CHD9: variants seen among roughly 807,000 people sequenced by gnomAD.
The protein encoded by CHD9 is ATP-dependent chromatin remodeler CHD9.
CHD9 carries 77 observed loss-of-function variants against 316.1 expected under a neutral mutation model. That is an observed-to-expected ratio of 0.24 (90% CI 0.20 to 0.29). The LOEUF (loss-of-function observed/expected upper bound fraction) is 0.29, where lower values mean the gene tolerates loss of function less well. Among genes scored for constraint, CHD9 ranks in the 10% least tolerant of loss-of-function variants. CHD9 has a pLI of 1.00. For synonymous variants in CHD9, 1,129 were observed against 1,158.3 expected (o/e 0.97, Z 0.51); for missense variants, 2,763 against 3,438.1 (o/e 0.80, Z 4.91).
intron 27 of CHD9, among the ~76,000 whole-genome samples, chr16:53,290,128 G>A (rs964675278): frequency 5.3e-5 from 8 of 152,096 alleles, no homozygotes; most frequent in Non-Finnish European, 8.8e-5. Flanking sequence ...ACAAAAATTA[G>A]CCAGGCATGG....
intron 1 of CHD9, among the ~76,000 whole-genome samples, chr16:53,075,908 C>A (rs1192659861): frequency 1.3e-5 from 2 of 152,190 alleles, no homozygotes; most frequent in Non-Finnish European, 2.9e-5. Context: ...CATTTCTCCA[C>A]GTCCTCACCA....
At position 53,307,790 on chromosome 16, in the gene CHD9, C is replaced by T; in HGVS notation, c.6890C>T (p.Thr2297Ile). 6.2e-7 allele frequency: 1 copy of T among 1,613,318 alleles called. No individual in the cohort carries two copies. Among genetic ancestry groups the T allele is most frequent in the Non-Finnish European group, 8.5e-7 (1 of 1,179,638 alleles). Reference sequence around the variant, plus strand: ...GCTAACACAGTGGCTTCTTTCTATACCACAAAACTGCTGGACAGCCCTGGA... The same window carrying T: ...GCTAACACAGTGGCTTCTTTCTATATCACAAAACTGCTGGACAGCCCTGGA... Reference protein sequence around the residue: ...YDANTVASFYTTKLLDSPGAA... With the variant: ...YDANTVASFYITKLLDSPGAA... The change falls in exon 33 of 39, where the codon ACC becomes ATC. Residue 2297 changes from threonine (T) to isoleucine (I), a missense_variant. By Grantham distance (89) the Thr-to-Ile change is moderately conservative. Coordinates refer to ENST00000447540, the MANE Select transcript of CHD9 (RefSeq NM_001308319.2).
At chr16:53,076,617 T>C (rs949547262) in intron 1 of CHD9, among the ~76,000 whole-genome samples, 1 of 151,070 alleles carries the variant, frequency 6.6e-6, no homozygotes, top group African/African-American at 2.4e-5. Flanking sequence ...TATATATATA[T>C]GTATAAATTT....
intron 20 of CHD9, among the ~76,000 whole-genome samples, chr16:53,266,179 T>C (rs1333804916): frequency 6.6e-6 from 1 of 151,816 alleles, no homozygotes; most frequent in Non-Finnish European, 1.5e-5. Context: ...ACACAACATA[T>C]TTATGTGTCT....
At position 53,304,534 on chromosome 16, in the gene CHD9, TTCA is replaced by T. The variant is rs1483715538; in HGVS notation, c.6531_6533del (p.Ser2181del). ...CTTCATCTTGTTCTTCAGCATCTTC[TTCA>T]TCCTCTTCCTCCACCTCTTCCTCCT... On this transcript the variant is annotated inframe_deletion, in exon 31 of 39. Coordinates refer to ENST00000447540, the MANE Select transcript of CHD9 (RefSeq NM_001308319.2). 52 of 1,546,602 alleles carry T rather than the reference TTCA, an allele frequency of 3.4e-5. No individual in the cohort carries two copies. Among genetic ancestry groups the T allele is most frequent in the Non-Finnish European group, 4.3e-5 (49 of 1,142,316 alleles).
chr16:53,295,529 A>T (rs2054703631), intron 29 of CHD9, among the ~76,000 whole-genome samples: 1 of 152,240 alleles, frequency 6.6e-6, no homozygotes, highest in South Asian at 2.1e-4. Flanking sequence ...CAATAATATA[A>T]GATATTGTAA....
intron 2 of CHD9, among the ~76,000 whole-genome samples, chr16:53,187,551 G>C (rs548572873): frequency 6.6e-6 from 1 of 152,082 alleles, no homozygotes; most frequent in South Asian, 2.1e-4. Context: ...GTTTTGGCCA[G>C]AGTCTTGGGG....
At chr16:53,262,108 T>C (rs548174898) in intron 19 of CHD9, among the ~76,000 whole-genome samples, 1 of 152,290 alleles carries the variant, frequency 6.6e-6, no homozygotes, top group East Asian at 1.9e-4. Flanking sequence ...TTACCACTAG[T>C]CTCCTTTGAA....
chr16:53,319,953 T>G, intron 37 of CHD9: 3 of 562,462 alleles, frequency 5.3e-6, no homozygotes, highest in Non-Finnish European at 7.2e-6. Context: ...AGAGACTAAG[T>G]AAATATACTT....
chr16:53,091,507 A>G (rs111411710), intron 1 of CHD9, among the ~76,000 whole-genome samples: 82 of 152,356 alleles, frequency 5.4e-4, no homozygotes, highest in African/African-American at 1.8e-3. Context: ...GTGTACTCAC[A>G]GGGAGGAGGC....
chr16:53,286,538 G>C (rs1013148317), intron 26 of CHD9, among the ~76,000 whole-genome samples, 195 bp downstream of exon 26: 1 of 152,168 alleles, frequency 6.6e-6, no homozygotes, highest in Non-Finnish European at 1.5e-5. Context: ...GGTTGGACCT[G>C]CCCCACACCC....
Position 53,156,264 on chromosome 16 carries a change from A to G in CHD9, c.175A>G (p.Thr59Ala). 1 of 1,613,978 alleles carries G rather than the reference A, an allele frequency of 6.2e-7. No homozygotes were observed. Among genetic ancestry groups the G allele is most frequent in the Middle Eastern group, 1.6e-4 (1 of 6,062 alleles). Residue 59 changes from threonine (T) to alanine (A), a missense_variant, in exon 2 of 39, where the codon ACT becomes GCT. Thr to Ala is a moderately conservative substitution (Grantham distance 58, BLOSUM62 0). Coordinates refer to ENST00000447540, the MANE Select transcript of CHD9 (RefSeq NM_001308319.2). ...HIDSLNHVQG[T>A]PTHQKMTDFE... is the part of the protein sequence containing the mutation. ...AGATTCACTGAACCATGTTCAAGGTACTCCAACACATCAGAAGATGACTGA... is the reference window on the plus strand; with the variant it reads ...AGATTCACTGAACCATGTTCAAGGTGCTCCAACACATCAGAAGATGACTGA...
At chr16:53,267,744 C>T (rs1380861811) in intron 21 of CHD9, among the ~76,000 whole-genome samples, 183 bp from the exon 22 acceptor site, 1 of 152,090 alleles carries the variant, frequency 6.6e-6, no homozygotes, top group Non-Finnish European at 1.5e-5. Flanking sequence ...AGATGTTATC[C>T]ATTACTGAAT....
chr16:53,231,547 G>T, intron 9 of CHD9, 42 bp downstream of exon 9: 1 of 1,413,074 alleles, frequency 7.1e-7, no homozygotes, highest in South Asian at 1.2e-5. Context: ...AGAAAAATCT[G>T]AAACTTTCCA....
chr16:53,055,494 G>GC (rs3884211), intron 1 of CHD9, among the ~76,000 whole-genome samples: 19,310 of 145,772 alleles, frequency 0.13, 2,586 homozygotes, highest in African/African-American at 0.34. Context: ...TTCCACCCCC[G>GC]CCCCCCCCCA....
At chr16:53,179,287 T>C (rs2043310491) in intron 2 of CHD9, among the ~76,000 whole-genome samples, 1 of 151,406 alleles carries the variant, frequency 6.6e-6, no homozygotes, top group Non-Finnish European at 1.5e-5. Flanking sequence ...CTAATCCAAA[T>C]TCAAGTTTTC....
At chr16:53,096,456 C>G (rs1022634550) in intron 1 of CHD9, among the ~76,000 whole-genome samples, 3 of 152,072 alleles carry the variant, frequency 2.0e-5, no homozygotes, top group African/African-American at 7.2e-5. Flanking sequence ...TTAACTGACA[C>G]CTTTACTTTT....
At chr16:53,056,594 C>A (rs570347795) in intron 1 of CHD9, among the ~76,000 whole-genome samples, 2 of 152,202 alleles carry the variant, frequency 1.3e-5, no homozygotes, top group African/African-American at 4.8e-5. Flanking sequence ...TGCAAAAGAA[C>A]AATACTCTGC....
chr16:53,314,359 C>T lies in CHD9; in HGVS notation c.7223-18C>T. 2.6e-6 allele frequency: 4 copies of T among 1,518,502 alleles called. No homozygotes were observed. The South Asian group carries it at 3.9e-5, about 15-fold the overall frequency. 94.1% of individuals were successfully genotyped at this position (1,518,502 alleles called of 1,614,324 possible). A position where few individuals can be genotyped will look rare whatever the true frequency, so the allele number is the denominator to read the frequency against. ...GAACTAAATTTGTATCACCATTTTG[C>T]ATTTTTAATTCAATTAGGTACTTCC... is the stretch of plus-strand genomic sequence containing the variant. On this transcript the variant is annotated intron_variant, in intron 34 of 38. Coordinates refer to ENST00000447540, the MANE Select transcript of CHD9 (RefSeq NM_001308319.2).
Sources: gnomAD v4.1 joint callset for allele counts (sites outside exome capture counted in the v4.1 genomes callset) on GRCh38, gnomAD v4.1.1 for gene constraint, MANE v1.5 for transcripts, NCBI Gene and HGNC (gene_info 2026-07-23, HGNC 2026-07-21) for gene names.